The following ZNF548 variants were observed in gnomAD, a reference collection of about 807,000 sequenced individuals.
The protein encoded by ZNF548 is zinc finger protein 548.
A neutral mutation model predicts 10.2 loss-of-function variants in ZNF548; 10 were observed. The observed-to-expected ratio is 0.98, with a 90% CI of 0.60 to 1.66. ZNF548 has a LOEUF of 1.66. ZNF548 is among the 40% of genes most tolerant of loss of function. The pLI, the probability that ZNF548 is intolerant of heterozygous loss-of-function variation, is 0.00. For missense variants in ZNF548, 599 were observed against 657.0 expected, an observed-to-expected ratio of 0.91 and a Z score of 0.97; for synonymous variants, 217 against 223.5, an observed-to-expected ratio of 0.97 and a Z score of 0.26.
intron 1 of ZNF548, among the ~76,000 whole-genome samples, chr19:57,391,293 C>G (rs956042587): frequency 8.8e-6 from 1 of 113,266 alleles, no homozygotes; most frequent in Non-Finnish European, 1.9e-5. Flanking sequence ...GACATAGTTT[C>G]ATGCTTTTTT....
Position 57,393,250 on chromosome 19 carries a change from A to T in ZNF548, c.16-938A>T, listed in dbSNP as rs974971655. 2.0e-5 allele frequency among the ~76,000 whole-genome samples: 3 copies of T among 152,350 alleles called. No homozygotes were observed. In the East Asian group the frequency reaches 5.8e-4, roughly 29 times the overall value. On this transcript the variant is annotated intron_variant, in intron 1 of 3. Transcript: ENST00000336128. The stretch of plus-strand genomic sequence containing the variant: ...TGACCTGCCTACTCTTCCCTTCTCT[A>T]TAACTCATTAACTTAATAATGTATG...
In ZNF548 at chr19:57,399,028, C is replaced by T. The variant is rs754480636; in HGVS notation, c.777C>T (p.His259=). The T allele has an allele frequency of 1.4e-5, 22 of 1,614,092 alleles. No homozygotes were observed. The South Asian group carries it at 2.4e-4, about 18-fold the overall frequency. Residue 259 remains histidine (H), a synonymous_variant, in exon 4 of 4, where the codon CAC becomes CAT. Coordinates refer to ENST00000336128, the MANE Select transcript of ZNF548 (RefSeq NM_001172773.2). The surrounding 1 kb of genome is among the most constrained non-coding windows in gnomAD (Gnocchi z 4.0). The stretch of plus-strand genomic sequence containing the variant: ...ATTTCATGAAACATCAGACAGTTCA[C>T]ACTAGTGAAAGGACTTATGAGTGCA... ...SANFMKHQTV[H]TSERTYECRE...
intron 1 of ZNF548, among the ~76,000 whole-genome samples, chr19:57,391,444 T>A (rs538091933): frequency 6.6e-6 from 1 of 152,326 alleles, no homozygotes; most frequent in South Asian, 2.1e-4. Context: ...ATGTTTTTTT[T>A]AATGTAATGA....
rs1403584999 is a variant in ZNF548, at chr19:57,398,525, A to G, written c.274A>G (p.Ser92Gly). Reference protein sequence around the residue: ...EVTASKPCLSSQKVHPSETCG... With the variant: ...EVTASKPCLSGQKVHPSETCG... ...TACAGCTTCAAAGCCCTGTCTGTCC[A>G]GCCAGAAGGTCCACCCTAGTGAGAC... The change falls in exon 4 of 4, where the codon AGC becomes GGC. Residue 92 changes from serine (S) to glycine (G), a missense_variant. Physicochemically the swap from Ser to Gly is moderately conservative, Grantham distance 56. Coordinates refer to ENST00000336128, the MANE Select transcript of ZNF548 (RefSeq NM_001172773.2). 1 of 1,614,014 alleles carries G rather than the reference A, an allele frequency of 6.2e-7. No homozygotes were observed. The highest frequency in any genetic ancestry group is 8.5e-7 in the Non-Finnish European group (1 of 1,179,952).
At chr19:57,396,300 G>A (rs1483274092) in intron 2 of ZNF548, among the ~76,000 whole-genome samples, 1 of 152,196 alleles carries the variant, frequency 6.6e-6, no homozygotes, top group Non-Finnish European at 1.5e-5. Flanking sequence ...CAACTGGCTG[G>A]CAGGAGAGGA....
chr19:57,399,722 T>C lies in ZNF548; in HGVS notation c.1471T>C (p.Cys491Arg), dbSNP rs1245509952. 3 of 1,614,164 alleles carry C rather than the reference T, an allele frequency of 1.9e-6. No homozygotes were observed. The highest frequency in any genetic ancestry group is 2.5e-6 in the Non-Finnish European group (3 of 1,180,026). The change falls in exon 4 of 4, where the codon TGC (cysteine) becomes CGC (arginine). Residue 491 changes from cysteine to arginine, a missense_variant. Transcript: ENST00000336128. This position sits in a 1 kb window ranked among gnomAD's most constrained non-coding sequence, Gnocchi z 4.0. The part of the protein sequence containing the change: ...KIHSGERPYE[C>R]SECQKAFIRK... ...CCACAGTGGAGAAAGACCTTATGAG[T>C]GCAGCGAATGCCAGAAGGCCTTTAT...
In ZNF548 at chr19:57,402,478, C is replaced by T. The variant is rs932647038; in HGVS notation, c.*2589C>T. 2 of 152,166 alleles carry T rather than the reference C, an allele frequency of 1.3e-5. No homozygotes were observed. Among genetic ancestry groups the T allele is most frequent in the Non-Finnish European group, 2.9e-5 (2 of 68,032 alleles). 9.4% of individuals were successfully genotyped at this position (152,166 alleles called of 1,614,324 possible). A position where few individuals can be genotyped will look rare whatever the true frequency, so the allele number is the denominator to read the frequency against. On this transcript the variant is annotated 3_prime_UTR_variant, in exon 4 of 4. Coordinates refer to ENST00000336128, the MANE Select transcript of ZNF548 (RefSeq NM_001172773.2). ...GCTGTTACTGTGTTTCAGATGCAAC[C>T]CTCTGTGGGACCCTACCCAAGTTCT...
Position 57,399,867 on chromosome 19 carries a change from C to T in ZNF548, c.1616C>T (p.Thr539Ile). ...ACCTCATTAAACATCAGAGATTTCACAATGGAGAAAGTTTACCATTGACTA... is the reference window on the plus strand; with the variant it reads ...ACCTCATTAAACATCAGAGATTTCATAATGGAGAAAGTTTACCATTGACTA... The part of the protein sequence containing the change: ...TPTSLNIRDF[T>I]MEKVYH Residue 539 changes from threonine to isoleucine, a missense_variant, in exon 4 of 4, where the codon ACA becomes ATA. Transcript: ENST00000336128. The surrounding 1 kb of genome is among the most constrained non-coding windows in gnomAD (Gnocchi z 4.0). The T allele has an allele frequency of 1.9e-6, 3 of 1,600,662 alleles. No homozygotes were observed. The highest frequency in any genetic ancestry group is 2.6e-6 in the Non-Finnish European group (3 of 1,170,814).
intron 1 of ZNF548, among the ~76,000 whole-genome samples, chr19:57,391,297 CTT>C (rs35713836): frequency 8.8e-4 from 123 of 140,570 alleles, no homozygotes; most frequent in Admixed American, 1.6e-3. Context: ...TAGTTTCATG[CTT>C]TTTTTTTTTT....
At chr19:57,394,284 G>C in intron 2 of ZNF548, 61 bp downstream of exon 2, 1 of 1,521,924 alleles carries the variant, frequency 6.6e-7, no homozygotes, top group Non-Finnish European at 8.9e-7. Flanking sequence ...GTTTTGGCAG[G>C]TGACAAAACC....
Position 57,398,617 on chromosome 19 carries a change from C to T in ZNF548, c.366C>T (p.His122=), listed in dbSNP as rs777832943. The stretch of plus-strand genomic sequence containing the variant: ...ACAATGGAATTCATCCTGAGCAACA[C>T]ATATATATTTGTGAGGCAGAGCTTT... ...VEHNGIHPEQ[H]IYICEAELFQ... is the part of the protein sequence containing the mutation. Residue 122 remains histidine, a synonymous_variant, in exon 4 of 4, where the codon CAC becomes CAT. Coordinates refer to ENST00000336128, the MANE Select transcript of ZNF548 (RefSeq NM_001172773.2). 6.2e-7 allele frequency: 1 copy of T among 1,613,922 alleles called. No homozygotes were observed. Among genetic ancestry groups the T allele is most frequent in the Non-Finnish European group, 8.5e-7 (1 of 1,179,910 alleles).
chr19:57,391,068 G>A lies in ZNF548; in HGVS notation c.15+954G>A, dbSNP rs116707712. Among the ~76,000 whole-genome samples, 347 of 152,274 alleles carry A rather than the reference G, an allele frequency of 2.3e-3. 1 individual carries two copies. The highest frequency in any genetic ancestry group is 8.0e-3 in the African/African-American group (333 of 41,546). On this transcript the variant is annotated intron_variant, in intron 1 of 3. Transcript: ENST00000336128. ...TTAATGTATCCATCGCCTGAATAAT[G>A]TACATTGTATCCATTAAGTAATTTT...
Position 57,400,178 on chromosome 19 carries a change from C to T in ZNF548, c.*289C>T, listed in dbSNP as rs553950533. On this transcript the variant is annotated 3_prime_UTR_variant, in exon 4 of 4. Coordinates refer to ENST00000336128, the MANE Select transcript of ZNF548 (RefSeq NM_001172773.2). ...TATTTCACTTAGGATAAGGTCTTCA[C>T]GGTTCACCCATGTTGTATAATGTGT... 2.0e-4 allele frequency: 62 copies of T among 308,998 alleles called. No homozygotes were observed. Among genetic ancestry groups the T allele is most frequent in the African/African-American group, 9.5e-4 (45 of 47,270 alleles). 19.1% of individuals were successfully genotyped at this position (308,998 alleles called of 1,614,324 possible).
At position 57,402,735 on chromosome 19, in the gene ZNF548, G is replaced by A. The variant is rs2123051147; in HGVS notation, c.*2846G>A. ...TAACATGATAACTCAGTAGAGCAAT[G>A]CTTTGGAGATTAGCTTTTTAGGGAG... On this transcript the variant is annotated 3_prime_UTR_variant, in exon 4 of 4. Coordinates refer to ENST00000336128, the MANE Select transcript of ZNF548 (RefSeq NM_001172773.2). 1 of 152,316 alleles carries A rather than the reference G, an allele frequency of 6.6e-6. No homozygotes were observed. The highest frequency in any genetic ancestry group is 1.5e-5 in the Non-Finnish European group (1 of 68,024). 9.4% of individuals were successfully genotyped at this position (152,316 alleles called of 1,614,324 possible).
rs1320583860 is a variant in ZNF548 at position 57,397,189 on chromosome 19, C to G, written c.178+15C>G. 3 of 1,587,434 alleles carry G rather than the reference C, an allele frequency of 1.9e-6. No homozygotes were observed. Among genetic ancestry groups the G allele is most frequent in the South Asian group, 2.3e-5 (2 of 87,462 alleles). The stretch of plus-strand genomic sequence containing the variant: ...GTCCTCACTAGGTAAGGCCCTCACA[C>G]TTGCCCAGTGTCCTGGGTTAGGCTG... On this transcript the variant is annotated intron_variant, in intron 3 of 3. Transcript: ENST00000336128.
At chr19:57,394,113 C>T (rs762325907) in intron 1 of ZNF548, 75 bp from the exon 2 acceptor site, 294 of 1,477,382 alleles carry the variant, frequency 2.0e-4, no homozygotes, top group Non-Finnish European at 2.5e-4. Context: ...GCAGGGCAGA[C>T]GAGGTGGTGG....
rs1218036067 is a variant in ZNF548 at position 57,399,312 on chromosome 19, G to C, written c.1061G>C (p.Cys354Ser). The C allele has an allele frequency of 4.2e-5, 68 of 1,613,954 alleles. No individual in the cohort carries two copies. Among genetic ancestry groups the C allele is most frequent in the Non-Finnish European group, 5.5e-5 (65 of 1,179,930 alleles). ...GAAAGACCTTATAAGTGCAATGATT[G>C]TGGGAAATTTTTTAGGTATATCTCC... ...TGERPYKCND[C>S]GKFFRYISTL... The change falls in exon 4 of 4, where the codon TGT (cysteine) becomes TCT (serine). Residue 354 changes from cysteine (C) to serine (S), a missense_variant. Physicochemically the swap from Cys to Ser is moderately radical, Grantham distance 112 (BLOSUM62 -1). Coordinates refer to ENST00000336128, the MANE Select transcript of ZNF548 (RefSeq NM_001172773.2). This position sits in a 1 kb window ranked among gnomAD's most constrained non-coding sequence, Gnocchi z 4.0.
chr19:57,391,376 T>C (rs1039966267), intron 1 of ZNF548, among the ~76,000 whole-genome samples: 1 of 152,088 alleles, frequency 6.6e-6, no homozygotes, highest in African/African-American at 2.4e-5. Flanking sequence ...CATACATTGA[T>C]GGATAATTGG....
rs1363121878 is a variant in ZNF548, at chr19:57,398,413, C to T, written c.179-17C>T. The stretch of plus-strand genomic sequence containing the variant: ...CCAGAGTCAACATGCACTTCTCCAG[C>T]ATTTCTGTTCTGACAGGTTCTTGGC... On this transcript the variant is annotated splice_polypyrimidine_tract_variant and intron_variant, in intron 3 of 3. Coordinates refer to ENST00000336128, the MANE Select transcript of ZNF548 (RefSeq NM_001172773.2). The T allele has an allele frequency of 6.2e-7, 1 of 1,606,760 alleles. No individual in the cohort carries two copies. Among genetic ancestry groups the T allele is most frequent in the Non-Finnish European group, 8.5e-7 (1 of 1,174,428 alleles).
Sources: allele counts gnomAD v4.1 joint callset (sites outside exome capture counted in the v4.1 genomes callset), GRCh38; gene constraint gnomAD v4.1.1; non-coding constraint Gnocchi (gnomAD v3.1); transcripts MANE v1.5; gene names NCBI Gene and HGNC (gene_info 2026-07-23, HGNC 2026-07-21).